The following IKZF3 variants were observed in gnomAD, a reference collection of about 807,000 sequenced individuals.
IKZF3 encodes IKAROS family zinc finger 3, also known as zinc finger protein Aiolos.
Under a neutral mutation model 49.0 loss-of-function variants are expected in IKZF3, and 10 were observed. That is an observed-to-expected ratio of 0.20 (90% CI 0.13 to 0.35). The LOEUF (loss-of-function observed/expected upper bound fraction) is 0.35. Ranked by LOEUF, IKZF3 falls within the 10% of genes least tolerant of loss-of-function variation. The pLI, the probability that IKZF3 is intolerant of heterozygous loss-of-function variation, is 1.00. For synonymous variants in IKZF3, 209 were observed against 228.2 expected, an observed-to-expected ratio of 0.92 and a Z score of 0.76; for missense variants, 498 against 664.8, an observed-to-expected ratio of 0.75 and a Z score of 2.76.
At chr17:39,824,757 G>A (rs200896527) in intron 3 of IKZF3, among the ~76,000 whole-genome samples, 10 of 151,298 alleles carry the variant, frequency 6.6e-5, no homozygotes, top group Admixed American at 1.3e-4. Flanking sequence ...GTGCAGTGGC[G>A]TGATCTTGGC....
intron 1 of IKZF3, among the ~76,000 whole-genome samples, chr17:39,855,540 T>A (rs1196946441): frequency 6.6e-6 from 1 of 152,232 alleles, no homozygotes; most frequent in African/African-American, 2.4e-5. Context: ...AATGGATATC[T>A]ATAGAGTCCT....
chr17:39,780,986 G>A (rs995422287), intron 6 of IKZF3, among the ~76,000 whole-genome samples: 8 of 152,172 alleles, frequency 5.3e-5, no homozygotes, highest in African/African-American at 1.7e-4. Flanking sequence ...AACTATTTGT[G>A]TAAATGAAAA....
At chr17:39,863,669 T>C (rs1568084199) in intron 1 of IKZF3, among the ~76,000 whole-genome samples, 1 of 152,190 alleles carries the variant, frequency 6.6e-6, no homozygotes, top group Non-Finnish European at 1.5e-5. Context: ...GAACTGCAAA[T>C]GCCAACCGCT....
At chr17:39,814,323 G>A (rs2061630404) in intron 3 of IKZF3, among the ~76,000 whole-genome samples, 1 of 152,034 alleles carries the variant, frequency 6.6e-6, no homozygotes, top group Non-Finnish European at 1.5e-5. Context: ...CCCATAGCTT[G>A]TACAGAATGG....
chr17:39,792,890 C>T lies in IKZF3; in HGVS notation c.207G>A (p.Glu69=), dbSNP rs1164607712. ...CCATGGGTTCTGACTTTAAAACATT[C>T]TCATCTCTTTCACTGTATTCATCTT... ...KVKDEYSERD[E]NVLKSEPMGN... Residue 69 remains glutamate, a synonymous_variant, in exon 4 of 8, where the codon GAG becomes GAA. Transcript: ENST00000346872. 4.3e-6 allele frequency: 7 copies of T among 1,613,870 alleles called. No homozygotes were observed. The highest frequency in any genetic ancestry group is 3.3e-5 in the Admixed American group (2 of 60,000).
At chr17:39,789,302 C>T (rs1194308324) in intron 5 of IKZF3, among the ~76,000 whole-genome samples, 3 of 152,070 alleles carry the variant, frequency 2.0e-5, no homozygotes, top group Admixed American at 6.5e-5. Context: ...CAGTGGCTCA[C>T]GCCTGTAATC....
chr17:39,841,332 T>C (rs2062460170), intron 1 of IKZF3, among the ~76,000 whole-genome samples: 1 of 151,964 alleles, frequency 6.6e-6, no homozygotes, highest in South Asian at 2.1e-4. Flanking sequence ...GGGAATGAAG[T>C]GGCTGGCAGC....
chr17:39,824,984 C>T (rs989483305), intron 3 of IKZF3, among the ~76,000 whole-genome samples: 7 of 152,112 alleles, frequency 4.6e-5, no homozygotes, highest in Non-Finnish European at 7.4e-5. Context: ...TGTGAGCCAC[C>T]GCACCTGGCC....
rs190632920 is a variant in IKZF3, at chr17:39,835,459, C to T, written c.8-3308G>A. The T allele has an allele frequency of 1.5e-5, 7 of 452,606 alleles. No individual in the cohort carries two copies. The East Asian group carries it at 1.9e-4, about 12-fold the overall frequency. 28.0% of individuals were successfully genotyped at this position (452,606 alleles called of 1,614,324 possible). On this transcript the variant is annotated intron_variant, in intron 1 of 7. Coordinates refer to ENST00000346872, the MANE Select transcript of IKZF3 (RefSeq NM_012481.5). ...GAGGCCCTCTGTCTCAGACTGGAGCCGGCTGATGTTCCAGTTTATCTTGGA... is the reference window on the plus strand; with the variant it reads ...GAGGCCCTCTGTCTCAGACTGGAGCTGGCTGATGTTCCAGTTTATCTTGGA...
intron 3 of IKZF3, among the ~76,000 whole-genome samples, chr17:39,801,390 A>G (rs2061313648): frequency 1.3e-5 from 2 of 152,130 alleles, no homozygotes. Flanking sequence ...GCCATTTTCT[A>G]ACTATCCAAT....
chr17:39,792,966 G>T, intron 3 of IKZF3, 33 bp from the exon 4 acceptor site: 1 of 1,602,478 alleles, frequency 6.2e-7, no homozygotes, highest in South Asian at 1.1e-5. Flanking sequence ...AATGAACAAC[G>T]ACTATACTTG....
intron 1 of IKZF3, among the ~76,000 whole-genome samples, chr17:39,862,422 C>G (rs1051023707): frequency 2.0e-5 from 3 of 152,012 alleles, no homozygotes; most frequent in African/African-American, 7.2e-5. Context: ...GACCAAATCT[C>G]TAATCTAGAC....
At position 39,758,326 on chromosome 17, in the gene IKZF3, G is replaced by A. The variant is rs980543540; in HGVS notation, c.*7464C>T. 3.3e-5 allele frequency: 5 copies of A among 152,330 alleles called. No homozygotes were observed. Among genetic ancestry groups the A allele is most frequent in the African/African-American group, 9.6e-5 (4 of 41,576 alleles). 9.4% of individuals were successfully genotyped at this position (152,330 alleles called of 1,614,324 possible). ...GTAATTTGGTTTCTGTGAACCCACA[G>A]AAGCAGGCCCACCAAAAAGGGCCTT... On this transcript the variant is annotated 3_prime_UTR_variant, in exon 8 of 8. Coordinates refer to ENST00000346872, the MANE Select transcript of IKZF3 (RefSeq NM_012481.5).
chr17:39,777,829 GAAAT>G, intron 6 of IKZF3, 62 bp from the exon 7 acceptor site: 1 of 1,581,496 alleles, frequency 6.3e-7, no homozygotes, highest in African/African-American at 1.4e-5. Flanking sequence ...GGGAGAAAAG[GAAAT>G]AAACTGGAAG....
In IKZF3 at chr17:39,758,903, A is replaced by G. The variant is rs967388829; in HGVS notation, c.*6887T>C. On this transcript the variant is annotated 3_prime_UTR_variant, in exon 8 of 8. Coordinates refer to ENST00000346872, the MANE Select transcript of IKZF3 (RefSeq NM_012481.5). ...TGTCTTTAAATTTAGGACACGGTAC[A>G]TTTTCCACTGAAAATTTACAATCAT... 2 of 149,140 alleles carry G rather than the reference A, an allele frequency of 1.3e-5. No individual in the cohort carries two copies. Among genetic ancestry groups the G allele is most frequent in the African/African-American group, 2.5e-5 (1 of 40,076 alleles). The allele number at this position is 149,140 out of a possible 1,614,324, so 9.2% of individuals were successfully genotyped here.
intron 5 of IKZF3, among the ~76,000 whole-genome samples, chr17:39,789,468 C>T (rs2060957946): frequency 6.6e-6 from 1 of 152,136 alleles, no homozygotes; most frequent in South Asian, 2.1e-4. Flanking sequence ...GAGGCTGAGG[C>T]AGAAGAATCG....
intron 3 of IKZF3, among the ~76,000 whole-genome samples, chr17:39,808,281 A>G (rs902367882): frequency 1.3e-5 from 2 of 152,214 alleles, no homozygotes; most frequent in South Asian, 4.1e-4. Context: ...AACAAAATTA[A>G]CAAGAATTAG....
At chr17:39,788,423 C>T in intron 5 of IKZF3, 49 bp from the exon 6 acceptor site, 4 of 1,194,704 alleles carry the variant, frequency 3.3e-6, no homozygotes, top group Non-Finnish European at 5.0e-6. Context: ...GGGTTCCACA[C>T]AGGTCAGGTA....
At chr17:39,805,576 T>C (rs1206013311) in intron 3 of IKZF3, among the ~76,000 whole-genome samples, 1 of 152,214 alleles carries the variant, frequency 6.6e-6, no homozygotes, top group African/African-American at 2.4e-5. Flanking sequence ...GGTTCTTCCC[T>C]TCCTTCTTCC....
Sources: allele counts gnomAD v4.1 joint callset (sites outside exome capture counted in the v4.1 genomes callset), GRCh38; gene constraint gnomAD v4.1.1; transcripts MANE v1.5; gene names NCBI Gene and HGNC (gene_info 2026-07-23, HGNC 2026-07-21).